SLC9C2: variants seen among roughly 807,000 people sequenced by gnomAD.
The protein encoded by SLC9C2 is sodium/hydrogen exchanger 11.
Under a neutral mutation model 140.2 loss-of-function variants are expected in SLC9C2, and 75 were observed. The ratio of observed to expected loss-of-function variants is 0.53; its 90% CI spans 0.44 to 0.65. SLC9C2 has a LOEUF of 0.65. Ranked by LOEUF, SLC9C2 falls within the 30% of genes least tolerant of loss-of-function variation. SLC9C2 has a pLI of 0.00. For missense variants in SLC9C2, 1,074 were observed against 1,331.8 expected (o/e 0.81, Z 3.01); for synonymous variants, 375 against 420.9 (o/e 0.89, Z 1.34).
chr1:173,525,056 C>T, intron 19 of SLC9C2, 129 bp from the exon 20 acceptor site: 1 of 1,040,778 alleles, frequency 9.6e-7, no homozygotes, highest in Non-Finnish European at 1.3e-6. Flanking sequence ...ATGCAGAACT[C>T]ATGAGGTCAG....
chr1:173,564,347 C>T (rs183478843), intron 9 of SLC9C2, among the ~76,000 whole-genome samples: 14 of 152,340 alleles, frequency 9.2e-5, no homozygotes, highest in African/African-American at 3.1e-4. Flanking sequence ...CTTTTCTCCA[C>T]ATCCTTACCA....
At chr1:173,534,343 A>G in intron 16 of SLC9C2, 141 bp downstream of exon 16, 2 of 874,228 alleles carry the variant, frequency 2.3e-6, no homozygotes, top group Non-Finnish European at 3.2e-6. Flanking sequence ...AAAATTCAAA[A>G]AGCTTACTAA....
intron 11 of SLC9C2, among the ~76,000 whole-genome samples, chr1:173,553,601 T>G (rs1199057020): frequency 1.3e-5 from 2 of 152,250 alleles, no homozygotes; most frequent in Admixed American, 6.5e-5. Context: ...TAGCATTTTT[T>G]TAGCAAGAAA....
intron 11 of SLC9C2, among the ~76,000 whole-genome samples, chr1:173,550,683 C>T (rs1393617669): frequency 1.3e-5 from 2 of 151,434 alleles, no homozygotes; most frequent in Admixed American, 6.6e-5. Flanking sequence ...GTGATCCGCC[C>T]GCCTTGGCCT....
chr1:173,590,775 G>A (rs981939917), intron 4 of SLC9C2, among the ~76,000 whole-genome samples: 1 of 152,150 alleles, frequency 6.6e-6, no homozygotes, highest in African/African-American at 2.4e-5. Context: ...GCTGGCCAAA[G>A]GGATGATTCA....
rs749929361 is a variant in SLC9C2, at chr1:173,534,601, T to C, written c.1857A>G (p.Ile619Met). The C allele has an allele frequency of 1.3e-6, 2 of 1,588,042 alleles. No homozygotes were observed. The highest frequency in any genetic ancestry group is 1.7e-6 in the Non-Finnish European group (2 of 1,168,782). The change falls in exon 16 of 28, where the codon ATA becomes ATG. Residue 619 changes from isoleucine (I) to methionine (M), a missense_variant. By Grantham distance (10) the Ile-to-Met change is conservative. Coordinates refer to ENST00000367714, the MANE Select transcript of SLC9C2 (RefSeq NM_178527.4). ...GATGTATTATCATAGGATAAATATATATCAAATTTATAATCTGTCCTGTAT... is the reference window on the plus strand; with the variant it reads ...GATGTATTATCATAGGATAAATATACATCAAATTTATAATCTGTCCTGTAT... Reference protein sequence around the residue: ...FEYTGQIINLIYIYPMIIHLW... With the variant: ...FEYTGQIINLMYIYPMIIHLW...
At chr1:173,587,048 C>G (rs1439185499) in intron 5 of SLC9C2, among the ~76,000 whole-genome samples, 1 of 151,848 alleles carries the variant, frequency 6.6e-6, no homozygotes, top group Non-Finnish European at 1.5e-5. Flanking sequence ...AAAAACCTGA[C>G]AATAGGGGGA....
intron 9 of SLC9C2, among the ~76,000 whole-genome samples, chr1:173,572,096 AC>A (rs1272807638): frequency 3.3e-5 from 5 of 152,244 alleles, no homozygotes; most frequent in Non-Finnish European, 5.9e-5. Context: ...TTAAGTAATG[AC>A]CCAAAGTCAC....
chr1:173,548,315 A>C, intron 12 of SLC9C2, 74 bp downstream of exon 12: 1 of 1,425,022 alleles, frequency 7.0e-7, no homozygotes, highest in South Asian at 1.4e-5. Flanking sequence ...TCAGGTCTTT[A>C]ACAATAGGCT....
chr1:173,511,857 G>T (rs1436740606), intron 23 of SLC9C2, among the ~76,000 whole-genome samples: 1 of 152,148 alleles, frequency 6.6e-6, no homozygotes, highest in African/African-American at 2.4e-5. Flanking sequence ...TCCAGTTTTG[G>T]TTTTCTGCAT....
intron 6 of SLC9C2, 82 bp from the exon 7 acceptor site, chr1:173,582,090 G>T (rs1665576004): frequency 9.6e-6 from 11 of 1,147,916 alleles, no homozygotes; most frequent in Non-Finnish European, 1.3e-5. Flanking sequence ...TTGGGTCTTT[G>T]CACTTTGGTT....
chr1:173,530,051 T>A lies in SLC9C2; in HGVS notation c.2167A>T (p.Ile723Leu), dbSNP rs755114145. The A allele has an allele frequency of 3.8e-6, 6 of 1,582,574 alleles. No homozygotes were observed. The highest frequency in any genetic ancestry group is 5.1e-6 in the Non-Finnish European group (6 of 1,171,268). The stretch of plus-strand genomic sequence containing the variant: ...GCAATTCTTATCAGTATTGGTACTA[T>A]TATCTGGAATAATGAGAAGAAGAAA... ...IIRFLPLFKI[I>L]VPILIRIADV... Residue 723 changes from isoleucine (I) to leucine (L), a missense_variant, in exon 18 of 28, where the codon ATA (isoleucine) becomes TTA (leucine). Coordinates refer to ENST00000367714, the MANE Select transcript of SLC9C2 (RefSeq NM_178527.4).
intron 9 of SLC9C2, among the ~76,000 whole-genome samples, chr1:173,567,050 T>A (rs1053154549): frequency 1.3e-5 from 2 of 152,108 alleles, no homozygotes; most frequent in African/African-American, 4.8e-5. Flanking sequence ...TTATTTCAGC[T>A]TTTTTGAACC....
chr1:173,543,395 G>C (rs997901781), intron 13 of SLC9C2, among the ~76,000 whole-genome samples: 2 of 152,200 alleles, frequency 1.3e-5, no homozygotes, highest in Non-Finnish European at 2.9e-5. Flanking sequence ...CTCATAGATA[G>C]GAGGAATCAA....
chr1:173,576,739 C>T lies in SLC9C2; in HGVS notation c.824G>A (p.Gly275Asp). 6.2e-7 allele frequency: 1 copy of T among 1,601,942 alleles called. No homozygotes were observed. Among genetic ancestry groups the T allele is most frequent in the Non-Finnish European group, 8.5e-7 (1 of 1,176,400 alleles). ...FYIVEFLGMS[G>D]TLALAAVGLN... ...TCCTACAGCGGCTAAGGCAAGAGTG[C>T]CTGACATTCCTAAAAATTCCACTGG... The change falls in exon 8 of 28, where the codon GGC becomes GAC. Residue 275 changes from glycine (G) to aspartate (D), a missense_variant. Gly to Asp is a moderately conservative substitution (Grantham distance 94, BLOSUM62 -1). Transcript: ENST00000367714.
intron 9 of SLC9C2, among the ~76,000 whole-genome samples, chr1:173,568,162 G>A (rs1440706632): frequency 1.3e-5 from 2 of 152,080 alleles, no homozygotes; most frequent in East Asian, 3.9e-4. Flanking sequence ...GGGAGTACAC[G>A]TGAAGGTTTG....
intron 13 of SLC9C2, among the ~76,000 whole-genome samples, chr1:173,538,187 G>C (rs1157542861): frequency 6.6e-6 from 1 of 152,166 alleles, no homozygotes; most frequent in East Asian, 1.9e-4. Flanking sequence ...GCAATGGCCA[G>C]GCTCTCTCTA....
At chr1:173,572,398 G>A (rs921888794) in intron 9 of SLC9C2, among the ~76,000 whole-genome samples, 2 of 142,492 alleles carry the variant, frequency 1.4e-5, no homozygotes, top group African/African-American at 5.7e-5. Context: ...TGAGTTGCAT[G>A]CAGTGCCTTG....
chr1:173,563,513 G>C (rs1254169537), intron 9 of SLC9C2, among the ~76,000 whole-genome samples: 1 of 151,804 alleles, frequency 6.6e-6, no homozygotes, highest in Admixed American at 6.6e-5. Flanking sequence ...AACAATACAT[G>C]AATACTGAAA....
Sources: gnomAD v4.1 joint callset for allele counts (sites outside exome capture counted in the v4.1 genomes callset) on GRCh38, gnomAD v4.1.1 for gene constraint, MANE v1.5 for transcripts, NCBI Gene and HGNC (gene_info 2026-07-23, HGNC 2026-07-21) for gene names.